The following BMP7 variants were observed in gnomAD, a reference collection of about 807,000 sequenced individuals.
BMP7 encodes osteogenic protein 1.
BMP7 carries 12 observed loss-of-function variants against 41.2 expected under a neutral mutation model. The observed-to-expected ratio is 0.29, with a 90% CI of 0.19 to 0.47. The LOEUF (loss-of-function observed/expected upper bound fraction) is 0.47. BMP7 is among the 20% of genes least tolerant of loss of function. The probability of loss-of-function intolerance (pLI) is 0.99; values close to 1 mark genes in which losing one functional copy is unlikely to be tolerated. For synonymous variants in BMP7, 248 were observed against 250.0 expected, an observed-to-expected ratio of 0.99 and a Z score of 0.07; for missense variants, 467 against 606.0, an observed-to-expected ratio of 0.77 and a Z score of 2.41.
At chr20:57,191,327 C>T (rs988208973) in intron 3 of BMP7, among the ~76,000 whole-genome samples, 5 of 152,038 alleles carry the variant, frequency 3.3e-5, no homozygotes, top group Non-Finnish European at 5.9e-5. Context: ...TCTGGTGGGG[C>T]CAACAGAAGG....
At chr20:57,201,391 G>A (rs230198) in intron 3 of BMP7, among the ~76,000 whole-genome samples, 84,544 of 152,036 alleles carry the variant, frequency 0.56, 24,050 homozygotes, top group African/African-American at 0.64. Flanking sequence ...GACAGGACCA[G>A]TCTCCGAGAT....
chr20:57,202,701 G>C, intron 2 of BMP7, 78 bp from the exon 3 acceptor site: 2 of 703,870 alleles, frequency 2.8e-6, no homozygotes, highest in Non-Finnish European at 2.3e-6. Context: ...GGGAAGCAGA[G>C]CCTCATGGGG....
Position 57,265,837 on chromosome 20 carries a change from C to T in BMP7, c.286G>A (p.Gly96Ser), listed in dbSNP as rs1261312167. Residue 96 changes from glycine to serine, a missense_variant, in exon 1 of 7, where the codon GGC becomes AGC. Around this residue, in one of 2 missense-constraint regions of BMP7, gnomAD observed 407 missense variants for 485.9 expected, o/e 0.84. Transcript: ENST00000395863. ...LYNAMAVEEG[G>S]GPGGQGFSYP... ...GAGAAGCCCTGGCCGCCGGGCCCGC[C>T]GCCCTCCTCCACCGCCATGGCGTTG... The T allele has an allele frequency of 6.2e-7, 1 of 1,606,378 alleles. No individual in the cohort carries two copies. Among genetic ancestry groups the T allele is most frequent in the East Asian group, 2.2e-5 (1 of 44,534 alleles).
chr20:57,171,010 G>A lies in BMP7; in HGVS notation c.1245C>T (p.Val415=). 6.2e-7 allele frequency: 1 copy of A among 1,614,132 alleles called. No individual in the cohort carries two copies. Among genetic ancestry groups the A allele is most frequent in the Non-Finnish European group, 8.5e-7 (1 of 1,180,020 alleles). Residue 415 remains valine (V), a synonymous_variant, in exon 7 of 7, where the codon GTC becomes GTT. Transcript: ENST00000395863. This position sits in a 1 kb window ranked among gnomAD's most constrained non-coding sequence, Gnocchi z 4.5. The part of the protein sequence containing the change: ...SVLYFDDSSN[V]ILKKYRNMVV... ...CCATGTTTCTGTATTTCTTCAGGAT[G>A]ACGTTGGAGCTGTCATCGAAGTAGA...
intron 1 of BMP7, among the ~76,000 whole-genome samples, chr20:57,249,715 A>C (rs577650754): frequency 1.3e-5 from 2 of 152,318 alleles, no homozygotes; most frequent in Non-Finnish European, 2.9e-5. Context: ...CTGAACTAAA[A>C]CATCATCAGG....
chr20:57,186,011 A>G (rs142824412), intron 3 of BMP7, among the ~76,000 whole-genome samples: 2,190 of 151,990 alleles, frequency 0.014, 59 homozygotes, highest in African/African-American at 0.051. Context: ...TAAGTACTCA[A>G]TAAATGCTAG....
chr20:57,265,609 A>G, intron 1 of BMP7, 96 bp downstream of exon 1: 1 of 1,517,552 alleles, frequency 6.6e-7, no homozygotes, highest in East Asian at 2.5e-5. Context: ...CCAGGAGCGG[A>G]AAGCTGGGCG....
intron 4 of BMP7, 80 bp downstream of exon 4, chr20:57,183,642 G>A: frequency 1.3e-6 from 2 of 1,579,366 alleles, no homozygotes; most frequent in Non-Finnish European, 8.7e-7. Context: ...AATGGATTTT[G>A]AGTCAGTCTC....
At chr20:57,260,953 T>C (rs771632361) in intron 1 of BMP7, among the ~76,000 whole-genome samples, 4 of 152,192 alleles carry the variant, frequency 2.6e-5, no homozygotes, top group Non-Finnish European at 5.9e-5. Context: ...GATGGGCAGA[T>C]GGGGAAGGGT....
rs796836913 is a variant in BMP7 at position 57,171,619 on chromosome 20, C to T, written c.1147-511G>A. Reference sequence around the variant, plus strand: ...ACTAAGGCAAACTAAGGGAAGAGGCCGCCACTCAACCTAAGCTGACGGCAG... The same window carrying T: ...ACTAAGGCAAACTAAGGGAAGAGGCTGCCACTCAACCTAAGCTGACGGCAG... On this transcript the variant is annotated intron_variant, in intron 6 of 6. Transcript: ENST00000395863. The surrounding 1 kb of genome is among the most constrained non-coding windows in gnomAD (Gnocchi z 4.5). 2.8e-4 allele frequency among the ~76,000 whole-genome samples: 43 copies of T among 152,210 alleles called. No individual in the cohort carries two copies. The highest frequency in any genetic ancestry group is 8.7e-4 in the African/African-American group (36 of 41,526).
chr20:57,197,365 C>T (rs1351025301), intron 3 of BMP7, among the ~76,000 whole-genome samples: 1 of 152,122 alleles, frequency 6.6e-6, no homozygotes, highest in Non-Finnish European at 1.5e-5. Context: ...CCAGGTAAGA[C>T]CTAACATGTT....
At chr20:57,251,118 T>C (rs1246168275) in intron 1 of BMP7, among the ~76,000 whole-genome samples, 12 of 152,190 alleles carry the variant, frequency 7.9e-5, no homozygotes, top group Admixed American at 7.9e-4. Flanking sequence ...GGCTATGGTG[T>C]AGCAAATGAC....
chr20:57,178,465 G>A (rs1983989646), intron 4 of BMP7, among the ~76,000 whole-genome samples: 1 of 152,114 alleles, frequency 6.6e-6, no homozygotes, highest in Non-Finnish European at 1.5e-5. Context: ...TAGCAGGGCT[G>A]GGAGAGAGAG....
intron 3 of BMP7, among the ~76,000 whole-genome samples, chr20:57,191,690 C>T (rs950235440): frequency 2.0e-5 from 3 of 149,362 alleles, no homozygotes; most frequent in Admixed American, 6.7e-5. Context: ...GAGATCATGT[C>T]ACGGCGCTCC....
chr20:57,244,715 G>C (rs927209091), intron 1 of BMP7, among the ~76,000 whole-genome samples: 1 of 152,222 alleles, frequency 6.6e-6, no homozygotes, highest in Non-Finnish European at 1.5e-5. Context: ...GCAGAGACCT[G>C]TGCCTTGCCT....
chr20:57,236,763 TA>T (rs36018016), intron 1 of BMP7, among the ~76,000 whole-genome samples: 37,320 of 141,826 alleles, frequency 0.26, 5,169 homozygotes, highest in South Asian at 0.38. Flanking sequence ...CAGCCATGCA[TA>T]AAAAAAAAAA....
At chr20:57,204,572 C>T (rs1984691627) in intron 2 of BMP7, among the ~76,000 whole-genome samples, 1 of 152,224 alleles carries the variant, frequency 6.6e-6, no homozygotes, top group Admixed American at 6.5e-5. Context: ...TTTTCTCAGG[C>T]ACAAGCACAG....
chr20:57,244,206 G>A (rs1343448369), intron 1 of BMP7, among the ~76,000 whole-genome samples: 2 of 152,212 alleles, frequency 1.3e-5, no homozygotes, highest in African/African-American at 2.4e-5. Context: ...GAGCATGAAT[G>A]TCTAACACAT....
rs749571364 is a variant in BMP7 at position 57,171,591 on chromosome 20, G to C, written c.1147-483C>G. 6.6e-6 allele frequency among the ~76,000 whole-genome samples: 1 copy of C among 152,178 alleles called. No individual in the cohort carries two copies. The highest frequency in any genetic ancestry group is 1.5e-5 in the Non-Finnish European group (1 of 68,014). ...CGAGGTAAGACAATAGGGAATAGTG[G>C]GGACTAAGGCAAACTAAGGGAAGAG... On this transcript the variant is annotated intron_variant, in intron 6 of 6. Coordinates refer to ENST00000395863, the MANE Select transcript of BMP7 (RefSeq NM_001719.3). This position sits in a 1 kb window ranked among gnomAD's most constrained non-coding sequence, Gnocchi z 4.5.
Sources: gnomAD v4.1 joint callset for allele counts (sites outside exome capture counted in the v4.1 genomes callset) on GRCh38, gnomAD v4.1.1 for gene constraint, gnomAD v4.1.1 regional missense constraint, Gnocchi (gnomAD v3.1) non-coding constraint, MANE v1.5 for transcripts, NCBI Gene and HGNC (gene_info 2026-07-23, HGNC 2026-07-21) for gene names.